The following HDX variants were observed in gnomAD, a reference collection of about 807,000 sequenced individuals.
HDX encodes chromosome X open reading frame 43.
A neutral mutation model predicts 45.2 loss-of-function variants in HDX; 19 were observed. The observed-to-expected ratio is 0.42, with a 90% confidence interval of 0.29 to 0.62. HDX has a LOEUF of 0.62. Among genes scored for constraint, HDX ranks in the 20% least tolerant of loss-of-function variants. The probability of loss-of-function intolerance (pLI) is 0.20; values close to 1 mark genes in which losing one functional copy is unlikely to be tolerated. For synonymous variants in HDX, 188 were observed against 172.8 expected, an observed-to-expected ratio of 1.09 and a Z score of -0.69; for missense variants, 532 against 493.9, an observed-to-expected ratio of 1.08 and a Z score of -0.73.
intron 7 of HDX, among the ~76,000 whole-genome samples, chrX:84,338,368 A>G: frequency 9.0e-6 from 1 of 110,611 alleles, no homozygotes; most frequent in East Asian, 2.9e-4. Flanking sequence ...ATACAACATA[A>G]TGTTATACAC....
chrX:84,416,446 C>A (rs981720611), intron 5 of HDX, among the ~76,000 whole-genome samples: 65 of 111,645 alleles, frequency 5.8e-4, no homozygotes, highest in African/African-American at 2.0e-3. Flanking sequence ...AAATGTGCTT[C>A]TAGAAGAACC....
At chrX:84,323,901 A>G (rs1025324968) in intron 10 of HDX, among the ~76,000 whole-genome samples, 1 of 112,515 alleles carries the variant, frequency 8.9e-6, no homozygotes, top group African/African-American at 3.2e-5. Flanking sequence ...GCTCAGATCT[A>G]TAACACTTAT....
Position 84,424,449 on chromosome X carries a change from T to TA in HDX, c.1305+16082dup, listed in dbSNP as rs58576073. Among the ~76,000 whole-genome samples, 98 of 105,789 alleles carry TA rather than the reference T, an allele frequency of 9.3e-4. No homozygotes were observed. In the East Asian group the frequency reaches 0.015, roughly 16 times the overall value. 91.9% of individuals were successfully genotyped at this position (105,789 alleles called of 115,157 possible). A position where few individuals can be genotyped will look rare whatever the true frequency, so the allele number is the denominator to read the frequency against. ...ACCAATGACATTCCTCACAGAAATT[T>TA]AAAAAAAAAAATCTAAAATTTGCAA... On this transcript the variant is annotated intron_variant, in intron 5 of 10. Coordinates refer to ENST00000373177, the MANE Select transcript of HDX (RefSeq NM_001177479.2).
At chrX:84,446,025 T>C (rs2039865018) in intron 4 of HDX, among the ~76,000 whole-genome samples, 1 of 111,744 alleles carries the variant, frequency 8.9e-6, no homozygotes, top group Non-Finnish European at 1.9e-5. Flanking sequence ...TTCAGAATTA[T>C]AAAAGGTACT....
chrX:84,441,766 T>G (rs2039765557), intron 4 of HDX, among the ~76,000 whole-genome samples: 1 of 111,129 alleles, frequency 9.0e-6, no homozygotes, highest in South Asian at 3.7e-4. Flanking sequence ...TTTCTGATAA[T>G]TTCCCAGAAA....
chrX:84,383,268 G>T (rs1428038206), intron 5 of HDX, among the ~76,000 whole-genome samples: 1 of 110,807 alleles, frequency 9.0e-6, no homozygotes, highest in Non-Finnish European at 1.9e-5. Flanking sequence ...AGAGAGAAAA[G>T]ACTATTCCTA....
intron 2 of HDX, among the ~76,000 whole-genome samples, chrX:84,485,420 T>G (rs1248499101): frequency 7.1e-5 from 8 of 112,326 alleles, no homozygotes; most frequent in African/African-American, 2.6e-4. Flanking sequence ...GTTTGTTTGT[T>G]TGTAACATAG....
chrX:84,387,619 A>G (rs1373537765), intron 5 of HDX, among the ~76,000 whole-genome samples: 2 of 111,760 alleles, frequency 1.8e-5, no homozygotes, highest in Admixed American at 1.9e-4. Context: ...AGTCTGTTTT[A>G]TCTGATATAA....
At chrX:84,405,726 T>G (rs1012127184) in intron 5 of HDX, among the ~76,000 whole-genome samples, 3 of 107,037 alleles carry the variant, frequency 2.8e-5, no homozygotes, top group African/African-American at 1.0e-4. Context: ...TATAACAAAC[T>G]GTTTTTCTCT....
At chrX:84,468,239 C>T (rs1244932492) in intron 4 of HDX, among the ~76,000 whole-genome samples, 1 of 111,462 alleles carries the variant, frequency 9.0e-6, no homozygotes, top group Non-Finnish European at 1.9e-5. Flanking sequence ...ATTTTAAATG[C>T]AGGGAAAGAC....
intron 5 of HDX, among the ~76,000 whole-genome samples, chrX:84,422,672 T>TTG (rs2039284648): frequency 1.1e-5 from 1 of 87,843 alleles, no homozygotes; most frequent in South Asian, 6.3e-4. Context: ...GGTTTTTTTT[T>TTG]TTTTTTTTTT....
chrX:84,338,828 T>C (rs1246543783), intron 7 of HDX, among the ~76,000 whole-genome samples: 1 of 110,922 alleles, frequency 9.0e-6, no homozygotes, highest in Non-Finnish European at 1.9e-5. Flanking sequence ...TTTGATGCTG[T>C]TCTTGTAAGA....
At chrX:84,425,464 T>C (rs1569335001) in intron 5 of HDX, among the ~76,000 whole-genome samples, 1 of 111,608 alleles carries the variant, frequency 9.0e-6, no homozygotes, top group Non-Finnish European at 1.9e-5. Flanking sequence ...CCCACTGCTG[T>C]GTGTATATCC....
chrX:84,377,292 C>T (rs1480570556), intron 5 of HDX, among the ~76,000 whole-genome samples: 4 of 111,528 alleles, frequency 3.6e-5, no homozygotes, highest in Non-Finnish European at 5.6e-5. Flanking sequence ...CAACTAAGAA[C>T]AGACAGTGAA....
At chrX:84,427,072 T>C (rs1191343520) in intron 5 of HDX, among the ~76,000 whole-genome samples, 2 of 111,031 alleles carry the variant, frequency 1.8e-5, no homozygotes, top group African/African-American at 6.5e-5. Context: ...CGTGTTGTGT[T>C]CTTACCAGAA....
chrX:84,393,056 C>T (rs1456379012), intron 5 of HDX, among the ~76,000 whole-genome samples: 1 of 111,221 alleles, frequency 9.0e-6, no homozygotes, highest in African/African-American at 3.3e-5. Context: ...TATTTTATAA[C>T]ATTCTAAAAC....
At chrX:84,455,139 T>G (rs763623554) in intron 4 of HDX, among the ~76,000 whole-genome samples, 1 of 111,475 alleles carries the variant, frequency 9.0e-6, no homozygotes, top group African/African-American at 3.3e-5. Context: ...AAGACTACAT[T>G]CACTATTTAA....
intron 5 of HDX, among the ~76,000 whole-genome samples, chrX:84,431,486 CT>C (rs2039504286): frequency 1.8e-5 from 2 of 111,312 alleles, no homozygotes. Flanking sequence ...TAAGTGTTCC[CT>C]TTTCTACACA....
intron 5 of HDX, among the ~76,000 whole-genome samples, chrX:84,387,007 G>C (rs756320243): frequency 7.2e-5 from 8 of 110,891 alleles, no homozygotes; most frequent in African/African-American, 2.3e-4. Flanking sequence ...CACTGGTTTA[G>C]CTTCACTCCA....
Sources: allele counts gnomAD v4.1 joint callset (sites outside exome capture counted in the v4.1 genomes callset), GRCh38; gene constraint gnomAD v4.1.1; transcripts MANE v1.5; gene names NCBI Gene and HGNC (gene_info 2026-07-23, HGNC 2026-07-21).